Variants in LMNTD1 observed in about 807,000 individuals in gnomAD.
LMNTD1 encodes lamin tail domain-containing protein 1.
A neutral mutation model predicts 50.9 loss-of-function variants in LMNTD1; 35 were observed. The observed-to-expected ratio is 0.69, with a 90% CI of 0.53 to 0.91. The LOEUF (loss-of-function observed/expected upper bound fraction) is 0.91. Ranked by LOEUF, LMNTD1 falls within the 40% of genes least tolerant of loss-of-function variation. LMNTD1 has a pLI of 0.00. For synonymous variants in LMNTD1, 153 were observed against 161.9 expected (o/e 0.94, Z 0.42); for missense variants, 470 against 475.5 (o/e 0.99, Z 0.11).
At chr12:25,612,068 T>C (rs1946256699) in intron 1 of LMNTD1, among the ~76,000 whole-genome samples, 1 of 152,202 alleles carries the variant, frequency 6.6e-6, no homozygotes, top group South Asian at 2.1e-4. Flanking sequence ...AACATAATTG[T>C]ACCTATTCAA....
At chr12:25,647,119 T>TTA (rs1947089809) in intron 1 of LMNTD1, among the ~76,000 whole-genome samples, 1 of 152,234 alleles carries the variant, frequency 6.6e-6, no homozygotes, top group African/African-American at 2.4e-5. Flanking sequence ...TTTGATACCT[T>TTA]TATATCTAAT....
At position 25,519,586 on chromosome 12, in the gene LMNTD1, TCAAAAAAAA is replaced by T. The variant is rs1941121478; in HGVS notation, c.1016+263_1016+271del. ...CTGGGTGACAGAGCGAGACTCTGTC[TCAAAAAAAA>T]AAAAAAAAAAAAAGTGAAATGGCCA... On this transcript the variant is annotated intron_variant, in intron 7 of 9. Transcript: ENST00000458174. Among the ~76,000 whole-genome samples, 2 of 74,956 alleles carry T rather than the reference TCAAAAAAAA, an allele frequency of 2.7e-5. 1 individual carries two copies. The highest frequency in any genetic ancestry group is 1.1e-3 in the South Asian group (2 of 1,872). 49.2% of individuals were successfully genotyped at this position (74,956 alleles called of 152,430 possible). A position where few individuals can be genotyped will look rare whatever the true frequency, so the allele number is the denominator to read the frequency against.
At chr12:25,520,171 TATATAG>T (rs1195979532) in intron 6 of LMNTD1, 96 bp from the exon 7 acceptor site, 120 of 219,802 alleles carry the variant, frequency 5.5e-4, no homozygotes, top group South Asian at 4.8e-3. Context: ...TATATATATA[TATATAG>T]TAAAATGGTT....
intron 9 of LMNTD1, among the ~76,000 whole-genome samples, chr12:25,479,775 T>G (rs1119678): frequency 0.65 from 99,576 of 152,094 alleles, 33,044 homozygotes; most frequent in East Asian, 0.95. Flanking sequence ...ATCGCTGCCC[T>G]TTTCATGATA....
intron 1 of LMNTD1, among the ~76,000 whole-genome samples, chr12:25,601,180 G>C (rs905243720): frequency 6.6e-6 from 1 of 152,004 alleles, no homozygotes; most frequent in Non-Finnish European, 1.5e-5. Flanking sequence ...GTTATGCTAA[G>C]TGAAATAAGC....
Position 25,506,524 on chromosome 12 carries a change from G to A in LMNTD1, c.1190-2724C>T, listed in dbSNP as rs909398690. Among the ~76,000 whole-genome samples, 4 of 151,902 alleles carry A rather than the reference G, an allele frequency of 2.6e-5. No homozygotes were observed. The East Asian group carries it at 5.8e-4, about 22-fold the overall frequency. ...CATTTAACTTGAATTACAGAAGAAC[G>A]CTGGCAAAATTGTCGATAATCTACA... is the stretch of plus-strand genomic sequence containing the variant. On this transcript the variant is annotated intron_variant, in intron 8 of 9. Coordinates refer to ENST00000458174, the MANE Select transcript of LMNTD1 (RefSeq NM_001145728.2).
Position 25,542,363 on chromosome 12 carries a change from C to T in LMNTD1, c.491+4011G>A, listed in dbSNP as rs572600191. Among the ~76,000 whole-genome samples, 44 of 150,178 alleles carry T rather than the reference C, an allele frequency of 2.9e-4. No homozygotes were observed. In the East Asian group the frequency reaches 6.7e-3, roughly 23 times the overall value. ...TAGACTGGATTAAGAAAGTGTGGCA[C>T]ATATACACCATGGAATACTATGCAG... is the stretch of plus-strand genomic sequence containing the variant. On this transcript the variant is annotated intron_variant, in intron 4 of 9. Coordinates refer to ENST00000458174, the MANE Select transcript of LMNTD1 (RefSeq NM_001145728.2).
intron 1 of LMNTD1, among the ~76,000 whole-genome samples, chr12:25,647,493 A>C: frequency 6.6e-6 from 1 of 152,352 alleles, no homozygotes; most frequent in Middle Eastern, 3.4e-3. Context: ...CTGTATTAAA[A>C]AATAATAATA....
intron 8 of LMNTD1, among the ~76,000 whole-genome samples, chr12:25,507,484 A>G (rs964750500): frequency 2.0e-5 from 3 of 152,210 alleles, no homozygotes; most frequent in African/African-American, 4.8e-5. Context: ...GGCATAAACA[A>G]AAGTATTTCT....
At chr12:25,493,276 T>C (rs1938947703) in intron 9 of LMNTD1, among the ~76,000 whole-genome samples, 1 of 152,144 alleles carries the variant, frequency 6.6e-6, no homozygotes, top group Non-Finnish European at 1.5e-5. Flanking sequence ...TTACAATGCA[T>C]AACAGGGAAA....
intron 6 of LMNTD1, among the ~76,000 whole-genome samples, chr12:25,521,182 T>C (rs899691465): frequency 6.6e-6 from 1 of 152,166 alleles, no homozygotes; most frequent in Admixed American, 6.5e-5. Flanking sequence ...ATTTTGTTAA[T>C]TGTTTCCTTT....
rs1482299952 is a variant in LMNTD1 at position 25,487,797 on chromosome 12, G to A, written c.*23-11337C>T. On this transcript the variant is annotated intron_variant, in intron 9 of 9. Transcript: ENST00000458174. ...CCGGTTGTTCCTTTCCATGTTTAGC[G>A]CTTCCTTCAGGAGCTTTTAGGGCAG... is the stretch of plus-strand genomic sequence containing the variant. Among the ~76,000 whole-genome samples the A allele has an allele frequency of 6.1e-5, 5 of 81,520 alleles. 2 individuals carry two copies. The highest frequency in any genetic ancestry group is 1.2e-4 in the Non-Finnish European group (5 of 42,144). The allele number at this position is 81,520 out of a possible 152,430, so 53.5% of individuals were successfully genotyped here.
chr12:25,569,290 G>A (rs1944689076), intron 1 of LMNTD1, among the ~76,000 whole-genome samples: 2 of 152,232 alleles, frequency 1.3e-5, no homozygotes, highest in Admixed American at 1.3e-4. Flanking sequence ...AGACTTGCAT[G>A]GGGCTATTGG....
intron 8 of LMNTD1, among the ~76,000 whole-genome samples, chr12:25,508,048 C>T (rs1591845270): frequency 6.6e-6 from 1 of 151,864 alleles, no homozygotes; most frequent in East Asian, 1.9e-4. Context: ...CCCTCCTTGT[C>T]AGTATATAAG....
At chr12:25,477,852 T>C (rs1177177621) in intron 9 of LMNTD1, among the ~76,000 whole-genome samples, 1 of 152,084 alleles carries the variant, frequency 6.6e-6, no homozygotes, top group Non-Finnish European at 1.5e-5. Context: ...AAGTTTTAAG[T>C]CACACGATCA....
At chr12:25,546,576 G>T in intron 3 of LMNTD1, 22 bp from the exon 4 acceptor site, 1 of 1,441,390 alleles carries the variant, frequency 6.9e-7, no homozygotes, top group Non-Finnish European at 9.3e-7. Flanking sequence ...ACAGAAGAAA[G>T]AAGTAACCAG....
intron 1 of LMNTD1, among the ~76,000 whole-genome samples, chr12:25,609,170 A>C (rs1946187911): frequency 6.6e-6 from 1 of 152,266 alleles, no homozygotes; most frequent in South Asian, 2.1e-4. Flanking sequence ...TTTCAGCTCC[A>C]TCAGGTCATT....
At chr12:25,479,793 T>C (rs1053963210) in intron 9 of LMNTD1, among the ~76,000 whole-genome samples, 7 of 152,018 alleles carry the variant, frequency 4.6e-5, no homozygotes, top group African/African-American at 1.4e-4. Flanking sequence ...ATAGAAGAGG[T>C]CCAATATAAT....
intron 1 of LMNTD1, chr12:25,648,359 A>G: frequency 2.9e-6 from 2 of 684,832 alleles, no homozygotes; most frequent in Non-Finnish European, 2.6e-6. Context: ...CACGTTTATG[A>G]AAAAAATTGT....
Sources: allele counts gnomAD v4.1 joint callset (sites outside exome capture counted in the v4.1 genomes callset), GRCh38; gene constraint gnomAD v4.1.1; transcripts MANE v1.5; gene names NCBI Gene and HGNC (gene_info 2026-07-23, HGNC 2026-07-21).